KLRF2: variants seen among roughly 807,000 people sequenced by gnomAD.
The protein encoded by KLRF2 is killer cell lectin-like receptor subfamily F member 2.
In KLRF2, 28 loss-of-function variants were observed where a neutral mutation model predicts 25.3. The ratio of observed to expected loss-of-function variants is 1.11; its 90% CI spans 0.82 to 1.52. The LOEUF (loss-of-function observed/expected upper bound fraction) is 1.52. Ranked by LOEUF, KLRF2 falls within the 40% of genes most tolerant of loss-of-function variation. KLRF2 has a pLI of 0.00. For synonymous variants in KLRF2, 73 were observed against 85.0 expected, an observed-to-expected ratio of 0.86 and a Z score of 0.78; for missense variants, 265 against 245.8, an observed-to-expected ratio of 1.08 and a Z score of -0.52.
At chr12:9,892,656 C>T (rs1208984172) in intron 3 of KLRF2, among the ~76,000 whole-genome samples, 1 of 143,794 alleles carries the variant, frequency 7.0e-6, no homozygotes, top group East Asian at 2.0e-4. Context: ...TCGATCACGG[C>T]TCACCGCAAC....
chr12:9,888,206 G>A (rs1353391621), intron 2 of KLRF2, among the ~76,000 whole-genome samples: 1 of 151,318 alleles, frequency 6.6e-6, no homozygotes, highest in Non-Finnish European at 1.5e-5. Context: ...ATTTAGAATT[G>A]CAGGCCGGGC....
intron 5 of KLRF2, among the ~76,000 whole-genome samples, chr12:9,895,384 G>A (rs994691711): frequency 1.1e-4 from 17 of 152,306 alleles, no homozygotes; most frequent in Non-Finnish European, 4.4e-5. Flanking sequence ...GCTGGGAGAA[G>A]TGAATGGTTA....
At chr12:9,895,317 G>C (rs1386955207) in intron 5 of KLRF2, among the ~76,000 whole-genome samples, 1 of 152,178 alleles carries the variant, frequency 6.6e-6, no homozygotes, top group African/African-American at 2.4e-5. Flanking sequence ...AGGTCAGTTC[G>C]AAGGCTATGG....
intron 3 of KLRF2, among the ~76,000 whole-genome samples, chr12:9,890,707 G>T (rs1266858882): frequency 1.3e-5 from 2 of 152,166 alleles, no homozygotes; most frequent in Non-Finnish European, 2.9e-5. Flanking sequence ...AACAGATGGG[G>T]ACTCTTCTTT....
At position 9,895,682 on chromosome 12, in the gene KLRF2, C is replaced by G. The variant is rs533080525; in HGVS notation, c.480-7C>G. On this transcript the variant is annotated splice_region_variant and splice_polypyrimidine_tract_variant and intron_variant, in intron 5 of 5. Coordinates refer to ENST00000535540, the MANE Select transcript of KLRF2 (RefSeq NM_001190765.1). ...AAATGCTGAAAAATCTGTCCTTTGT[C>G]TCTTAGGTTTTCAGTGATTGGACCA... 1 of 1,518,008 alleles carries G rather than the reference C, an allele frequency of 6.6e-7. No individual in the cohort carries two copies. The highest frequency in any genetic ancestry group is 1.2e-5 in the South Asian group (1 of 80,334). 94.0% of individuals were successfully genotyped at this position (1,518,008 alleles called of 1,614,324 possible). A position where few individuals can be genotyped will look rare whatever the true frequency, so the allele number is the denominator to read the frequency against.
intron 5 of KLRF2, 54 bp from the exon 6 acceptor site, chr12:9,895,635 G>T (rs1448612357): frequency 2.8e-6 from 4 of 1,445,456 alleles, no homozygotes; most frequent in Non-Finnish European, 3.6e-6. Context: ...AACTTTAAAA[G>T]ATACTATTAT....
intron 2 of KLRF2, among the ~76,000 whole-genome samples, chr12:9,888,382 C>T (rs938574525): frequency 2.0e-5 from 3 of 151,500 alleles, no homozygotes; most frequent in East Asian, 3.9e-4. Flanking sequence ...CCCATATGCT[C>T]GGGAGGCTGA....
In KLRF2 at chr12:9,884,990, A is replaced by G; in HGVS notation, c.127A>G (p.Ile43Val). ...TCTGCTCATATTTGGATGCATTGTG[A>G]TCCTTATATTCATTATGACAGGGAT... ...CLLLIFGCIVILIFIMTGIDL... is the reference protein window; with the variant it reads ...CLLLIFGCIVVLIFIMTGIDL... The change falls in exon 2 of 6, where the codon ATC (isoleucine) becomes GTC (valine). Residue 43 changes from isoleucine to valine, a missense_variant. Coordinates refer to ENST00000535540, the MANE Select transcript of KLRF2 (RefSeq NM_001190765.1). 2 of 1,339,886 alleles carry G rather than the reference A, an allele frequency of 1.5e-6. No homozygotes were observed. The highest frequency in any genetic ancestry group is 1.9e-6 in the Non-Finnish European group (2 of 1,040,040). 83.0% of individuals were successfully genotyped at this position (1,339,886 alleles called of 1,614,324 possible). A position where few individuals can be genotyped will look rare whatever the true frequency, so the allele number is the denominator to read the frequency against.
intron 3 of KLRF2, among the ~76,000 whole-genome samples, chr12:9,889,639 T>A (rs757868149): frequency 6.4e-5 from 9 of 140,760 alleles, no homozygotes; most frequent in South Asian, 4.4e-4. Context: ...TCTATATGTG[T>A]ATATATATGT....
chr12:9,891,460 C>A lies in KLRF2; in HGVS notation c.218-1560C>A, dbSNP rs150172021. ...GGAGTATTTCCATTGTGTCTGGCAG[C>A]ACTCCAGTGGTACTTCATTGACCAG... On this transcript the variant is annotated intron_variant, in intron 3 of 5. Coordinates refer to ENST00000535540, the MANE Select transcript of KLRF2 (RefSeq NM_001190765.1). Among the ~76,000 whole-genome samples the A allele has an allele frequency of 9.5e-4, 144 of 152,276 alleles. 1 individual carries two copies. Among genetic ancestry groups the A allele is most frequent in the African/African-American group, 2.6e-3 (108 of 41,548 alleles).
intron 3 of KLRF2, among the ~76,000 whole-genome samples, chr12:9,890,176 G>A (rs1421104956): frequency 6.6e-6 from 1 of 151,968 alleles, no homozygotes; most frequent in African/African-American, 2.4e-5. Context: ...ATAGCTAAAG[G>A]CTCGTTTTGC....
intron 5 of KLRF2, among the ~76,000 whole-genome samples, chr12:9,894,732 A>T (rs1022731782): frequency 6.6e-6 from 1 of 152,192 alleles, no homozygotes; most frequent in Non-Finnish European, 1.5e-5. Flanking sequence ...GGATACATCT[A>T]TTCTACATTT....
chr12:9,893,349 C>G (rs1233262914), intron 4 of KLRF2, 80 bp from the exon 5 acceptor site: 4 of 808,304 alleles, frequency 4.9e-6, no homozygotes, highest in Non-Finnish European at 7.6e-6. Flanking sequence ...TTATTAATGC[C>G]GGCACAGAGA....
intron 3 of KLRF2, among the ~76,000 whole-genome samples, chr12:9,892,545 A>T (rs1862689825): frequency 6.7e-6 from 1 of 149,882 alleles, no homozygotes; most frequent in African/African-American, 2.5e-5. Context: ...CTGGAAATAC[A>T]CAGGTTAGTA....
Position 9,895,741 on chromosome 12 carries a change from A to G in KLRF2, c.532A>G (p.Asn178Asp), listed in dbSNP as rs1345361606. The change falls in exon 6 of 6, where the codon AAC (asparagine) becomes GAC (aspartate). Residue 178 changes from asparagine (N) to aspartate (D), a missense_variant. Physicochemically the swap from Asn to Asp is conservative, Grantham distance 23. Transcript: ENST00000535540. ...DDRSCAVITG[N>D]WVYSEDCSST... ...CAGGAGCTGTGCCGTTATCACAGGA[A>G]ACTGGGTGTATTCTGAAGACTGTAG... The G allele has an allele frequency of 1.3e-6, 2 of 1,535,732 alleles. No homozygotes were observed. Among genetic ancestry groups the G allele is most frequent in the African/African-American group, 1.4e-5 (1 of 73,012 alleles).
intron 1 of KLRF2, among the ~76,000 whole-genome samples, chr12:9,884,650 T>C (rs1371469963): frequency 1.3e-5 from 2 of 149,378 alleles, no homozygotes; most frequent in Admixed American, 6.7e-5. Context: ...ATATATAATA[T>C]GTATTTGTAT....
At chr12:9,892,353 A>G (rs1475993590) in intron 3 of KLRF2, among the ~76,000 whole-genome samples, 1 of 152,214 alleles carries the variant, frequency 6.6e-6, no homozygotes, top group Non-Finnish European at 1.5e-5. Context: ...GGTTGTAAAG[A>G]CAATCTTGAA....
At chr12:9,894,060 CTCTTTT>C (rs1565524005) in intron 5 of KLRF2, among the ~76,000 whole-genome samples, 1 of 151,480 alleles carries the variant, frequency 6.6e-6, no homozygotes, top group Non-Finnish European at 1.5e-5. Context: ...CTTTCTCTTT[CTCTTTT>C]TTCTTTCTCT....
At chr12:9,883,313 A>G (rs1287617984) in intron 1 of KLRF2, among the ~76,000 whole-genome samples, 2 of 152,210 alleles carry the variant, frequency 1.3e-5, no homozygotes. Flanking sequence ...TTGCAATAGT[A>G]GCACCAGCAG....
Sources: allele counts gnomAD v4.1 joint callset (sites outside exome capture counted in the v4.1 genomes callset), GRCh38; gene constraint gnomAD v4.1.1; transcripts MANE v1.5; gene names NCBI Gene and HGNC (gene_info 2026-07-23, HGNC 2026-07-21).